HSH2D: variants seen among roughly 807,000 people sequenced by gnomAD.
HSH2D encodes the protein hematopoietic SH2 domain containing.
In HSH2D, 16 loss-of-function variants were observed where a neutral mutation model predicts 21.5. The ratio of observed to expected loss-of-function variants is 0.74; its 90% CI spans 0.50 to 1.13. The LOEUF (loss-of-function observed/expected upper bound fraction) is 1.13. Ranked by LOEUF, HSH2D falls within the 50% of genes most tolerant of loss-of-function variation. The pLI, the probability that HSH2D is intolerant of heterozygous loss-of-function variation, is 0.00. For missense variants in HSH2D, 418 were observed against 441.4 expected, an observed-to-expected ratio of 0.95 and a Z score of 0.47; for synonymous variants, 172 against 184.7, an observed-to-expected ratio of 0.93 and a Z score of 0.56.
In HSH2D at chr19:16,157,272, C is replaced by T; in HGVS notation, c.537C>T (p.Asn179=). Residue 179 remains asparagine (N), a synonymous_variant, in exon 6 of 6, where the codon AAC becomes AAT. Transcript: ENST00000613986. This position sits in a 1 kb window ranked among gnomAD's most constrained non-coding sequence, Gnocchi z 4.4. ...SKERKPSAEM[N]RITTKEATSS... ...AAAGGAAGCCGTCAGCAGAGATGAA[C>T]AGAATAACCACCAAGGAAGCCACTT... 1 of 1,603,458 alleles carries T rather than the reference C, an allele frequency of 6.2e-7. No homozygotes were observed. Among genetic ancestry groups the T allele is most frequent in the Non-Finnish European group, 8.5e-7 (1 of 1,176,188 alleles).
rs568952673 is a variant in HSH2D at position 16,146,170 on chromosome 19, T to TTAA, written c.-28+2401_-28+2403dup. Among the ~76,000 whole-genome samples, 44 of 152,142 alleles carry TTAA rather than the reference T, an allele frequency of 2.9e-4. No homozygotes were observed. In the South Asian group the frequency reaches 5.4e-3, roughly 19 times the overall value. On this transcript the variant is annotated intron_variant, in intron 1 of 5. Coordinates refer to ENST00000613986, the MANE Select transcript of HSH2D (RefSeq NM_001382417.1). Reference sequence around the variant, plus strand: ...ATCCTTTGGCTTGTCTTACACTCACTTAATAATGTTTTGCAAAACGGTGCT... The same window carrying TTAA: ...ATCCTTTGGCTTGTCTTACACTCACTTAATAATAATGTTTTGCAAAACGGTGCT...
At chr19:16,156,258 G>A (rs935266494) in intron 5 of HSH2D, among the ~76,000 whole-genome samples, 1 of 152,082 alleles carries the variant, frequency 6.6e-6, no homozygotes, top group Non-Finnish European at 1.5e-5. Flanking sequence ...GCTGAGGTGG[G>A]AGGATTGCTT....
upstream of HSH2D, among the ~76,000 whole-genome samples, chr19:16,140,892 A>G (rs2090995462): frequency 6.6e-6 from 1 of 152,126 alleles, no homozygotes; most frequent in South Asian, 2.1e-4. Context: ...CCTACTCAAA[A>G]AAAAAAGAAG....
At chr19:16,152,529 C>T in intron 2 of HSH2D, 23 bp from the exon 3 acceptor site, 1 of 1,447,056 alleles carries the variant, frequency 6.9e-7, no homozygotes, top group Non-Finnish European at 9.1e-7. Flanking sequence ...TGTTTCATTT[C>T]CTTTCTGTGT....
At chr19:16,138,503 G>A (rs893765438) in intron 1 of HSH2D, among the ~76,000 whole-genome samples, 1 of 152,150 alleles carries the variant, frequency 6.6e-6, no homozygotes, top group Non-Finnish European at 1.5e-5. Context: ...TGTTGCCCAG[G>A]CTGGAGTGCA....
chr19:16,156,769 C>T (rs1307076965), intron 5 of HSH2D, among the ~76,000 whole-genome samples: 1 of 152,092 alleles, frequency 6.6e-6, no homozygotes, highest in Admixed American at 6.6e-5. Flanking sequence ...GGGTGGATCA[C>T]CTGAGGTAAG....
exon 1 of HSH2D, chr19:16,134,195 ACCC>A (rs915200023): frequency 6.6e-6 from 1 of 152,142 alleles, no homozygotes; most frequent in African/African-American, 2.4e-5. Flanking sequence ...GGGGTCACAC[ACCC>A]CATGCTTAAC....
rs914069138 is a variant in HSH2D, at chr19:16,153,885, T to G, written c.382-514T>G. On this transcript the variant is annotated intron_variant, in intron 4 of 5. Transcript: ENST00000613986. ...ATAAACTGCTGTGGGCGGGGCATCT[T>G]TCCTTAGAAGGCTCAGTGGGTGTTG... Among the ~76,000 whole-genome samples, 3 of 151,686 alleles carry G rather than the reference T, an allele frequency of 2.0e-5. 1 individual carries two copies. Among genetic ancestry groups the G allele is most frequent in the Non-Finnish European group, 4.4e-5 (3 of 67,924 alleles).
chr19:16,154,379 A>C lies in HSH2D; in HGVS notation c.382-20A>C. On this transcript the variant is annotated intron_variant, in intron 4 of 5. Transcript: ENST00000613986. The stretch of plus-strand genomic sequence containing the variant: ...TTCCCCCTCCCTAGTGCTGAGCTAC[A>C]GGCCCCTTCCGCCCTGCAGAAGGAT... 1 of 1,526,458 alleles carries C rather than the reference A, an allele frequency of 6.6e-7. No homozygotes were observed. Among genetic ancestry groups the C allele is most frequent in the East Asian group, 2.5e-5 (1 of 40,762 alleles). The allele number at this position is 1,526,458 out of a possible 1,614,324, so 94.6% of individuals were successfully genotyped here.
Position 16,135,428 on chromosome 19 carries a change from C to CA in HSH2D, c.-324+1203dup, listed in dbSNP as rs370200049. Reference sequence around the variant, plus strand: ...TGGGTGACAGAGCAAGACCCTTTCTCAAAAAAAAAACAAAAAACCTCCCCA... The same window carrying CA: ...TGGGTGACAGAGCAAGACCCTTTCTCAAAAAAAAAAACAAAAAACCTCCCCA... On this transcript the variant is annotated intron_variant, in intron 1 of 7. Transcript: ENST00000616645. 5.2e-3 allele frequency among the ~76,000 whole-genome samples: 752 copies of CA among 145,058 alleles called. 1 individual carries two copies. Among genetic ancestry groups the CA allele is most frequent in the South Asian group, 0.019 (88 of 4,544 alleles).
At position 16,148,809 on chromosome 19, in the gene HSH2D, A is replaced by G. The variant is rs1388871136; in HGVS notation, c.59A>G (p.His20Arg). Residue 20 changes from histidine to arginine, a missense_variant, in exon 2 of 6, where the codon CAC becomes CGC. Physicochemically the swap from His to Arg is conservative, Grantham distance 29. Coordinates refer to ENST00000613986, the MANE Select transcript of HSH2D (RefSeq NM_001382417.1). ...PLPPRLDWFV[H>R]TQMGQLAQDG... is the part of the protein sequence containing the mutation. ...CCCCCACGGCTGGACTGGTTTGTGC[A>G]CACCCAGATGGGCCAGCTGGCCCAA... 6.2e-7 allele frequency: 1 copy of G among 1,613,712 alleles called. No homozygotes were observed. Among genetic ancestry groups the G allele is most frequent in the Non-Finnish European group, 8.5e-7 (1 of 1,179,802 alleles).
chr19:16,140,564 C>T (rs897293242), upstream of HSH2D, among the ~76,000 whole-genome samples: 1 of 152,016 alleles, frequency 6.6e-6, no homozygotes, highest in Admixed American at 6.6e-5. Context: ...AAGATCGCAC[C>T]ACTGTACTCC....
Position 16,158,050 on chromosome 19 carries a change from T to A in HSH2D, c.*256T>A. 2.3e-6 allele frequency: 1 copy of A among 428,316 alleles called. No individual in the cohort carries two copies. Among genetic ancestry groups the A allele is most frequent in the South Asian group, 4.5e-5 (1 of 22,298 alleles). The allele number at this position is 428,316 out of a possible 1,614,324, so 26.5% of individuals were successfully genotyped here. ...ATCAGCCCCAGTGCCAGACCTTCTATTCATTATTTTACGCCTCAGAGCAAG... is the reference window on the plus strand; with the variant it reads ...ATCAGCCCCAGTGCCAGACCTTCTAATCATTATTTTACGCCTCAGAGCAAG... On this transcript the variant is annotated 3_prime_UTR_variant, in exon 6 of 6. Coordinates refer to ENST00000613986, the MANE Select transcript of HSH2D (RefSeq NM_001382417.1).
chr19:16,139,109 C>T (rs1313680785), upstream of HSH2D, among the ~76,000 whole-genome samples: 4 of 152,192 alleles, frequency 2.6e-5, no homozygotes, highest in Non-Finnish European at 4.4e-5. Flanking sequence ...CTGCCCACCT[C>T]GGCCTCCCGA....
chr19:16,149,978 C>A (rs1450072696), intron 2 of HSH2D, among the ~76,000 whole-genome samples: 2 of 152,090 alleles, frequency 1.3e-5, no homozygotes, highest in Non-Finnish European at 2.9e-5. Flanking sequence ...TCTCTGCATG[C>A]AGGAAATTGA....
intron 1 of HSH2D, among the ~76,000 whole-genome samples, chr19:16,135,488 C>T (rs1281571252): frequency 6.6e-6 from 1 of 152,056 alleles, no homozygotes; most frequent in Non-Finnish European, 1.5e-5. Context: ...AACTTACGCC[C>T]CTCACCGTGG....
chr19:16,154,327 C>G, intron 4 of HSH2D, 72 bp from the exon 5 acceptor site: 1 of 1,009,592 alleles, frequency 9.9e-7, no homozygotes. Flanking sequence ...TCCCTGAGAC[C>G]TGCCTTCCAG....
At chr19:16,137,128 C>T (rs1297117153) in intron 1 of HSH2D, among the ~76,000 whole-genome samples, 1 of 152,166 alleles carries the variant, frequency 6.6e-6, no homozygotes, top group Non-Finnish European at 1.5e-5. Flanking sequence ...GACACATGCC[C>T]TCAACAACTG....
At chr19:16,154,555 A>C in intron 5 of HSH2D, 64 bp downstream of exon 5, 2 of 1,000,454 alleles carry the variant, frequency 2.0e-6, no homozygotes, top group Non-Finnish European at 3.0e-6. Flanking sequence ...GAGGTGGTCA[A>C]CAGCTTCCAG....
Sources: gnomAD v4.1 joint callset for allele counts (sites outside exome capture counted in the v4.1 genomes callset) on GRCh38, gnomAD v4.1.1 for gene constraint, Gnocchi (gnomAD v3.1) non-coding constraint, MANE v1.5 for transcripts, NCBI Gene and HGNC (gene_info 2026-07-23, HGNC 2026-07-21) for gene names.